Variants in MSTN observed in about 807,000 individuals in gnomAD.
MSTN encodes myostatin.
In MSTN, 12 loss-of-function variants were observed where a neutral mutation model predicts 32.3. The ratio of observed to expected loss-of-function variants is 0.37; its 90% CI spans 0.24 to 0.60. The LOEUF (loss-of-function observed/expected upper bound fraction) is 0.60, where lower values mean the gene tolerates loss of function less well. Ranked by LOEUF, MSTN falls within the 20% of genes least tolerant of loss-of-function variation. The pLI, the probability that MSTN is intolerant of heterozygous loss-of-function variation, is 0.67. For synonymous variants in MSTN, 168 were observed against 155.1 expected (o/e 1.08, Z -0.62); for missense variants, 403 against 450.3 (o/e 0.89, Z 0.95).
chr2:190,056,380 C>CTGCAGT lies in MSTN; in HGVS notation c.*872_*877dup, dbSNP rs977556851. The stretch of plus-strand genomic sequence containing the variant: ...CATTTCTATTATTTTACCATAAAAA[C>CTGCAGT]TGCAGTGTTGCAAAGGCAGTGTTGT... On this transcript the variant is annotated 3_prime_UTR_variant, in exon 3 of 3. Transcript: ENST00000260950. 4.0e-5 allele frequency: 6 copies of CTGCAGT among 150,730 alleles called. No individual in the cohort carries two copies. The highest frequency in any genetic ancestry group is 8.9e-5 in the Non-Finnish European group (6 of 67,656). 9.3% of individuals were successfully genotyped at this position (150,730 alleles called of 1,614,324 possible).
chr2:190,057,112 CT>C lies in MSTN; in HGVS notation c.*145del. 1.3e-6 allele frequency: 1 copy of C among 779,430 alleles called. No homozygotes were observed. The allele number at this position is 779,430 out of a possible 1,614,324, so 48.3% of individuals were successfully genotyped here. A position where few individuals can be genotyped will look rare whatever the true frequency, so the allele number is the denominator to read the frequency against. Reference sequence around the variant, plus strand: ...ATGCCAACCATTGCATATATTCCCCCTTTTAGTTTACATACTGTAGCTTATG... The same window carrying C: ...ATGCCAACCATTGCATATATTCCCCCTTTAGTTTACATACTGTAGCTTATG... On this transcript the variant is annotated 3_prime_UTR_variant, in exon 3 of 3. Transcript: ENST00000260950.
chr2:190,056,412 C>G lies in MSTN; in HGVS notation c.*846G>C, dbSNP rs1685430843. On this transcript the variant is annotated 3_prime_UTR_variant, in exon 3 of 3. Coordinates refer to ENST00000260950, the MANE Select transcript of MSTN (RefSeq NM_005259.3). ...GTTGCAAAGGCAGTGTTGTAATTTT[C>G]CAAAGACAAAATTACATACTTCTCC... 6.6e-6 allele frequency: 1 copy of G among 151,540 alleles called. No homozygotes were observed. The highest frequency in any genetic ancestry group is 2.4e-5 in the African/African-American group (1 of 41,198). 9.4% of individuals were successfully genotyped at this position (151,540 alleles called of 1,614,324 possible). A position where few individuals can be genotyped will look rare whatever the true frequency, so the allele number is the denominator to read the frequency against.
chr2:190,058,951 G>A (rs1363397922), intron 2 of MSTN, among the ~76,000 whole-genome samples: 2 of 151,730 alleles, frequency 1.3e-5, no homozygotes, highest in African/African-American at 2.4e-5. Flanking sequence ...TATGTAGCCA[G>A]AAACCACTTG....
In MSTN at chr2:190,057,532, G is replaced by A; in HGVS notation, c.854C>T (p.Pro285Leu). The change falls in exon 3 of 3, where the codon CCT (proline) becomes CTT (leucine). Residue 285 changes from proline (P) to leucine (L), a missense_variant. Coordinates refer to ENST00000260950, the MANE Select transcript of MSTN (RefSeq NM_005259.3). The stretch of plus-strand genomic sequence containing the variant: ...AAAAGCTTCAAAATCCACAGTTAGA[G>A]GGTAACGACAGCATCGTGATTCTGT... ...HSTESRCCRY[P>L]LTVDFEAFGW... 1 of 1,613,506 alleles carries A rather than the reference G, an allele frequency of 6.2e-7. No homozygotes were observed. The highest frequency in any genetic ancestry group is 8.5e-7 in the Non-Finnish European group (1 of 1,179,594).
At position 190,060,177 on chromosome 2, in the gene MSTN, A is replaced by T. The variant is rs1200538039; in HGVS notation, c.632T>A (p.Val211Glu). 1 of 1,613,052 alleles carries T rather than the reference A, an allele frequency of 6.2e-7. No homozygotes were observed. The highest frequency in any genetic ancestry group is 1.7e-5 in the Admixed American group (1 of 59,946). The change falls in exon 2 of 3, where the codon GTG becomes GAG. Residue 211 changes from valine (V) to glutamate (E), a missense_variant. Val to Glu is a moderately radical substitution (Grantham distance 121). Coordinates refer to ENST00000260950, the MANE Select transcript of MSTN (RefSeq NM_005259.3). ...GIWQSIDVKT[V>E]LQNWLKQPES... ...AGGTTGTTTGAGCCAATTTTGCAACACTGTCTTCACATCAATGCTCTGCCA... is the reference window on the plus strand; with the variant it reads ...AGGTTGTTTGAGCCAATTTTGCAACTCTGTCTTCACATCAATGCTCTGCCA...
At chr2:190,057,771 G>A (rs1243185609) in intron 2 of MSTN, 133 bp from the exon 3 acceptor site, 10 of 898,534 alleles carry the variant, frequency 1.1e-5, no homozygotes, top group African/African-American at 5.0e-5. Context: ...AAAAGGCACA[G>A]CATTAAGGAA....
chr2:190,060,947 A>G (rs1685576601), intron 1 of MSTN, among the ~76,000 whole-genome samples: 1 of 152,042 alleles, frequency 6.6e-6, no homozygotes, highest in Admixed American at 6.6e-5. Context: ...CATCTGTTAC[A>G]TTTTGGCTTT....
Position 190,060,193 on chromosome 2 carries a change from T to C in MSTN, c.616A>G (p.Ile206Val). 1 of 1,613,114 alleles carries C rather than the reference T, an allele frequency of 6.2e-7. No homozygotes were observed. Among genetic ancestry groups the C allele is most frequent in the Non-Finnish European group, 8.5e-7 (1 of 1,179,300 alleles). The stretch of plus-strand genomic sequence containing the variant: ...TTTTGCAACACTGTCTTCACATCAA[T>C]GCTCTGCCAAATACCAGTGCCTGGG... ...MNPGTGIWQS[I>V]DVKTVLQNWL... The change falls in exon 2 of 3, where the codon ATT (isoleucine) becomes GTT (valine). Residue 206 changes from isoleucine to valine, a missense_variant. Physicochemically the swap from Ile to Val is conservative, Grantham distance 29. Transcript: ENST00000260950.
chr2:190,062,346 G>C lies in MSTN; in HGVS notation c.251C>G (p.Ala84Gly), dbSNP rs573037946. 6 of 1,613,296 alleles carry C rather than the reference G, an allele frequency of 3.7e-6. No individual in the cohort carries two copies. The African/African-American group carries it at 8.0e-5, about 22-fold the overall frequency. ...ATCAATCAGTTCCCGGAGTGGAGGA[G>C]CTTTGGGTAAAAGTTGTCTTATAAC... The part of the protein sequence containing the change: ...KDVIRQLLPK[A>G]PPLRELIDQY... The change falls in exon 1 of 3, where the codon GCT becomes GGT. Residue 84 changes from alanine to glycine, a missense_variant. Physicochemically the swap from Ala to Gly is moderately conservative, Grantham distance 60. Transcript: ENST00000260950.
intron 2 of MSTN, 65 bp downstream of exon 2, chr2:190,059,997 T>C (rs1685546149): frequency 4.0e-6 from 6 of 1,517,174 alleles, no homozygotes; most frequent in Non-Finnish European, 3.6e-6. Flanking sequence ...TTTTCCACTA[T>C]TGTTTGTTCA....
rs981982143 is a variant in MSTN at position 190,056,373 on chromosome 2, A to G, written c.*885T>C. The G allele has an allele frequency of 8.5e-5, 13 of 152,596 alleles. No individual in the cohort carries two copies. Among genetic ancestry groups the G allele is most frequent in the African/African-American group, 3.1e-4 (13 of 41,458 alleles). 9.5% of individuals were successfully genotyped at this position (152,596 alleles called of 1,614,324 possible). On this transcript the variant is annotated 3_prime_UTR_variant, in exon 3 of 3. Coordinates refer to ENST00000260950, the MANE Select transcript of MSTN (RefSeq NM_005259.3). The stretch of plus-strand genomic sequence containing the variant: ...AGTCGATCATTTCTATTATTTTACC[A>G]TAAAAACTGCAGTGTTGCAAAGGCA...
chr2:190,056,495 T>G lies in MSTN; in HGVS notation c.*763A>C. 6.6e-6 allele frequency: 1 copy of G among 152,560 alleles called. No homozygotes were observed. Among genetic ancestry groups the G allele is most frequent in the Middle Eastern group, 3.2e-3 (1 of 316 alleles). The allele number at this position is 152,560 out of a possible 1,614,324, so 9.5% of individuals were successfully genotyped here. A position where few individuals can be genotyped will look rare whatever the true frequency, so the allele number is the denominator to read the frequency against. The stretch of plus-strand genomic sequence containing the variant: ...AACACCATTTGACTGCCTTTTAAGA[T>G]AATGCAGTTTCTCCAAGTATGCTAC... On this transcript the variant is annotated 3_prime_UTR_variant, in exon 3 of 3. Transcript: ENST00000260950.
At position 190,060,251 on chromosome 2, in the gene MSTN, A is replaced by G. The variant is rs1489970329; in HGVS notation, c.558T>C (p.Tyr186=). ...CAAGTTTCAGAGATCGGATTCCAGT[A>G]TACCTTGTACCGTCTTTCATAGGTT... ...LIKPMKDGTR[Y]TGIRSLKLDM... The change falls in exon 2 of 3, where the codon TAT becomes TAC. Residue 186 remains tyrosine (Y), a synonymous_variant. Transcript: ENST00000260950. 1.9e-6 allele frequency: 3 copies of G among 1,613,144 alleles called. No homozygotes were observed. The highest frequency in any genetic ancestry group is 8.5e-7 in the Non-Finnish European group (1 of 1,179,294).
chr2:190,060,121 A>C lies in MSTN; in HGVS notation c.688T>G (p.Leu230Val). ...ESNLGIEIKA[L>V]DENGHDLAVT... Reference sequence around the variant, plus strand: ...GCAAGATCATGACCATTCTCATCTAAAGCTTTTATTTCAATGCCTAAGTTG... The same window carrying C: ...GCAAGATCATGACCATTCTCATCTACAGCTTTTATTTCAATGCCTAAGTTG... The change falls in exon 2 of 3, where the codon TTA becomes GTA. Residue 230 changes from leucine (L) to valine (V), a missense_variant. By Grantham distance (32) the Leu-to-Val change is conservative. Transcript: ENST00000260950. 2 of 1,612,774 alleles carry C rather than the reference A, an allele frequency of 1.2e-6. No homozygotes were observed. Among genetic ancestry groups the C allele is most frequent in the Admixed American group, 3.3e-5 (2 of 59,906 alleles).
chr2:190,058,118 C>G (rs560316186), intron 2 of MSTN, among the ~76,000 whole-genome samples: 62 of 152,130 alleles, frequency 4.1e-4, no homozygotes, highest in African/African-American at 1.4e-3. Flanking sequence ...CTCAGGAAAA[C>G]TTGGACAATA....
chr2:190,060,188 A>T lies in MSTN; in HGVS notation c.621T>A (p.Asp207Glu). The stretch of plus-strand genomic sequence containing the variant: ...GCCAATTTTGCAACACTGTCTTCAC[A>T]TCAATGCTCTGCCAAATACCAGTGC... ...NPGTGIWQSIDVKTVLQNWLK... is the reference protein window; with the variant it reads ...NPGTGIWQSIEVKTVLQNWLK... The change falls in exon 2 of 3, where the codon GAT (aspartate) becomes GAA (glutamate). Residue 207 changes from aspartate (D) to glutamate (E), a missense_variant. Coordinates refer to ENST00000260950, the MANE Select transcript of MSTN (RefSeq NM_005259.3). The T allele has an allele frequency of 6.2e-7, 1 of 1,613,112 alleles. No homozygotes were observed. Among genetic ancestry groups the T allele is most frequent in the South Asian group, 1.1e-5 (1 of 91,056 alleles).
At chr2:190,062,117 T>C in intron 1 of MSTN, 107 bp downstream of exon 1, 1 of 1,206,970 alleles carries the variant, frequency 8.3e-7, no homozygotes, top group South Asian at 1.3e-5. Context: ...TCTACTTACA[T>C]ACAGGCCAAC....
At chr2:190,058,322 C>A (rs900429875) in intron 2 of MSTN, among the ~76,000 whole-genome samples, 15 of 151,992 alleles carry the variant, frequency 9.9e-5, no homozygotes, top group African/African-American at 3.4e-4. Flanking sequence ...ATATTAACCA[C>A]TGGACATATT....
At chr2:190,062,169 AAC>A in intron 1 of MSTN, 53 bp downstream of exon 1, 2 of 1,596,050 alleles carry the variant, frequency 1.3e-6, no homozygotes, top group South Asian at 2.2e-5. Flanking sequence ...GTTTCTCATA[AAC>A]ACTAGAACAA....
Sources: gnomAD v4.1 joint callset for allele counts (sites outside exome capture counted in the v4.1 genomes callset) on GRCh38, gnomAD v4.1.1 for gene constraint, MANE v1.5 for transcripts, NCBI Gene and HGNC (gene_info 2026-07-23, HGNC 2026-07-21) for gene names.